ERCC6L: variants seen among roughly 807,000 people sequenced by gnomAD.
ERCC6L encodes DNA excision repair protein ERCC-6-like.
Under a neutral mutation model 20.1 loss-of-function variants are expected in ERCC6L, and 7 were observed. That is an observed-to-expected ratio of 0.35 (90% CI 0.20 to 0.65). ERCC6L has a LOEUF of 0.65. Ranked by LOEUF, ERCC6L falls within the 30% of genes least tolerant of loss-of-function variation. ERCC6L has a pLI of 0.69. For missense variants in ERCC6L, 592 were observed against 892.4 expected (o/e 0.66, Z 4.29); for synonymous variants, 278 against 331.3 (o/e 0.84, Z 1.75).
intron 1 of ERCC6L, among the ~76,000 whole-genome samples, chrX:72,226,701 C>A (rs2042955768): frequency 9.0e-6 from 1 of 111,662 alleles, no homozygotes; most frequent in Non-Finnish European, 1.9e-5. Context: ...CCTCAACCAA[C>A]CATCCAATCC....
chrX:72,209,463 C>A (rs968719867), intron 1 of ERCC6L, among the ~76,000 whole-genome samples: 3 of 112,268 alleles, frequency 2.7e-5, no homozygotes, highest in African/African-American at 9.7e-5. Flanking sequence ...ACACTACCAT[C>A]TATTTAGCCA....
intron 1 of ERCC6L, among the ~76,000 whole-genome samples, chrX:72,214,902 G>A (rs1028713812): frequency 2.8e-5 from 3 of 106,839 alleles, no homozygotes; most frequent in Admixed American, 2.0e-4. Context: ...CAGGAAAATC[G>A]CTTGAACTCA....
At chrX:72,230,298 C>A (rs1288012011) in intron 1 of ERCC6L, among the ~76,000 whole-genome samples, 1 of 111,235 alleles carries the variant, frequency 9.0e-6, no homozygotes, top group Non-Finnish European at 1.9e-5. Context: ...AAGATAACCC[C>A]CCTCTGGCCA....
Position 72,208,179 on chromosome X carries a change from A to G in ERCC6L, c.588T>C (p.Gly196=). 2 of 1,211,932 alleles carry G rather than the reference A, an allele frequency of 1.7e-6. No homozygotes were observed. Among genetic ancestry groups the G allele is most frequent in the Non-Finnish European group, 2.2e-6 (2 of 895,594 alleles). Residue 196 remains glycine, a synonymous_variant, in exon 2 of 2, where the codon GGT becomes GGC. Transcript: ENST00000334463. ...RNLNRIQQRN[G]VIITTYQMLI... is the part of the protein sequence containing the mutation. ...ACATTTGGTATGTAGTGATAATAAC[A>G]CCATTCCTTTGCTGAATCCGATTGA...
At chrX:72,225,221 C>T (rs917526906) in intron 1 of ERCC6L, among the ~76,000 whole-genome samples, 14 of 111,689 alleles carry the variant, frequency 1.3e-4, no homozygotes, top group Admixed American at 9.5e-5. Context: ...TCACTTAGAC[C>T]GACCCTGACA....
intron 1 of ERCC6L, among the ~76,000 whole-genome samples, chrX:72,223,454 A>G (rs1438053896): frequency 9.4e-6 from 1 of 106,660 alleles, no homozygotes; most frequent in African/African-American, 3.4e-5. Context: ...CAATGGCGTG[A>G]TCTTGGCTCA....
chrX:72,230,239 C>T (rs1027175438), intron 1 of ERCC6L, among the ~76,000 whole-genome samples: 35 of 110,581 alleles, frequency 3.2e-4, no homozygotes, highest in African/African-American at 1.2e-3. Context: ...GCAACCTCAT[C>T]ATATCCCACA....
chrX:72,228,746 C>T (rs1482559921), intron 1 of ERCC6L, among the ~76,000 whole-genome samples: 2 of 110,831 alleles, frequency 1.8e-5, no homozygotes, highest in African/African-American at 3.3e-5. Context: ...TCGCTTTTTG[C>T]TTGTTTTTTT....
At chrX:72,223,340 TAA>T (rs769062677) in intron 1 of ERCC6L, among the ~76,000 whole-genome samples, 1 of 82,745 alleles carries the variant, frequency 1.2e-5, no homozygotes, top group South Asian at 6.8e-4. Flanking sequence ...AACTCTGTCT[TAA>T]AAAAAAAAAA....
intron 1 of ERCC6L, among the ~76,000 whole-genome samples, chrX:72,230,049 C>T (rs924510269): frequency 2.5e-4 from 27 of 109,767 alleles, no homozygotes; most frequent in African/African-American, 8.6e-4. Context: ...GTGGTGGGCG[C>T]CTGTAGTCCC....
At chrX:72,218,142 C>T (rs981735862) in intron 1 of ERCC6L, among the ~76,000 whole-genome samples, 11 of 108,798 alleles carry the variant, frequency 1.0e-4, no homozygotes, top group Non-Finnish European at 2.1e-4. Context: ...TGGTGGTGGG[C>T]GCCTGTAGTC....
In ERCC6L at chrX:72,205,449, G is replaced by A. The variant is rs1046661018; in HGVS notation, c.3318C>T (p.His1106=). ...RRSLINMVLD[H]VEDMEERLDD... The stretch of plus-strand genomic sequence containing the variant: ...CAAGTCTTTCCTCCATGTCCTCCAC[G>A]TGGTCTAAAACCATATTAATAAGAG... The change falls in exon 2 of 2, where the codon CAC becomes CAT. Residue 1106 remains histidine, a synonymous_variant. Transcript: ENST00000334463. The A allele has an allele frequency of 9.9e-6, 12 of 1,210,078 alleles. No individual in the cohort carries two copies. Among genetic ancestry groups the A allele is most frequent in the Admixed American group, 4.4e-5 (2 of 45,721 alleles).
chrX:72,214,689 A>AG (rs2042877792), intron 1 of ERCC6L, among the ~76,000 whole-genome samples: 1 of 100,712 alleles, frequency 9.9e-6, no homozygotes, highest in African/African-American at 3.7e-5. Flanking sequence ...AAAAAAAAAA[A>AG]CAAAACAAAA....
intron 1 of ERCC6L, among the ~76,000 whole-genome samples, chrX:72,215,088 A>G (rs749067523): frequency 6.2e-5 from 7 of 112,538 alleles, no homozygotes; most frequent in Non-Finnish European, 1.1e-4. Context: ...GAATTTATAC[A>G]TGTATGAATC....
intron 1 of ERCC6L, among the ~76,000 whole-genome samples, chrX:72,210,059 C>T (rs1442850571): frequency 9.2e-6 from 1 of 108,430 alleles, no homozygotes; most frequent in Non-Finnish European, 1.9e-5. Context: ...CACAAGCAAC[C>T]AGAGGGGGGG....
At chrX:72,225,866 C>A (rs1389580282) in intron 1 of ERCC6L, among the ~76,000 whole-genome samples, 1 of 111,580 alleles carries the variant, frequency 9.0e-6, no homozygotes, top group African/African-American at 3.3e-5. Flanking sequence ...TGGGAGACTC[C>A]CTCCAACTGG....
intron 1 of ERCC6L, among the ~76,000 whole-genome samples, chrX:72,213,595 A>G (rs1467559440): frequency 8.9e-6 from 1 of 111,974 alleles, no homozygotes; most frequent in Non-Finnish European, 1.9e-5. Context: ...CCACCCCTCC[A>G]GATATGGCAG....
intron 1 of ERCC6L, among the ~76,000 whole-genome samples, chrX:72,235,849 G>A (rs1274151371): frequency 8.9e-6 from 1 of 111,825 alleles, no homozygotes; most frequent in Non-Finnish European, 1.9e-5. Flanking sequence ...GGATATCCTC[G>A]GGAGGCCATT....
chrX:72,213,537 A>T (rs1281477900), intron 1 of ERCC6L, among the ~76,000 whole-genome samples: 3 of 111,700 alleles, frequency 2.7e-5, no homozygotes, highest in Non-Finnish European at 5.7e-5. Flanking sequence ...GCTTTCGCTC[A>T]CCGTCCACCA....
Sources: gnomAD v4.1 joint callset for allele counts (sites outside exome capture counted in the v4.1 genomes callset) on GRCh38, gnomAD v4.1.1 for gene constraint, MANE v1.5 for transcripts, NCBI Gene and HGNC (gene_info 2026-07-23, HGNC 2026-07-21) for gene names.